MAGED1: variants seen among roughly 807,000 people sequenced by gnomAD.
The protein encoded by MAGED1 is melanoma-associated antigen D1.
Under a neutral mutation model 54.1 loss-of-function variants are expected in MAGED1, and 3 were observed. The ratio of observed to expected loss-of-function variants is 0.06; its 90% CI spans 0.03 to 0.14. The LOEUF (loss-of-function observed/expected upper bound fraction) is 0.14, where lower values mean the gene tolerates loss of function less well. MAGED1 is among the 10% of genes least tolerant of loss of function. The pLI is 1.00. For missense variants in MAGED1, 485 were observed against 623.4 expected (o/e 0.78, Z 2.36); for synonymous variants, 217 against 227.3 (o/e 0.95, Z 0.41).
chrX:51,839,327 G>A (rs374279570), intron 1 of MAGED1, among the ~76,000 whole-genome samples: 2 of 111,219 alleles, frequency 1.8e-5, no homozygotes, highest in Non-Finnish European at 3.8e-5. Context: ...AGAATTCCTT[G>A]TGTCCAGGAA....
chrX:51,894,691 T>C, intron 2 of MAGED1: 1 of 1,169,733 alleles, frequency 8.5e-7, no homozygotes, highest in Non-Finnish European at 1.1e-6. Flanking sequence ...ACCCTCCCTC[T>C]TTCTGCATTC....
At chrX:51,867,222 A>G (rs782002047) in intron 1 of MAGED1, among the ~76,000 whole-genome samples, 2 of 112,191 alleles carry the variant, frequency 1.8e-5, no homozygotes, top group Non-Finnish European at 3.8e-5. Flanking sequence ...CACTTGATGC[A>G]TGATATGTTT....
intron 1 of MAGED1, among the ~76,000 whole-genome samples, chrX:51,818,305 A>G (rs1310676202): frequency 9.0e-6 from 1 of 111,561 alleles, no homozygotes; most frequent in African/African-American, 3.3e-5. Flanking sequence ...CCAGCTGCCT[A>G]TTGTGCCTTC....
At chrX:51,898,478 T>C in intron 9 of MAGED1, 103 bp from the exon 10 acceptor site, 1 of 976,890 alleles carries the variant, frequency 1.0e-6, no homozygotes, top group Admixed American at 2.8e-5. Context: ...GGGGAAACAG[T>C]TCTGAACTCT....
chrX:51,897,105 T>C, intron 4 of MAGED1, 28 bp downstream of exon 4: 1 of 1,201,377 alleles, frequency 8.3e-7, no homozygotes, highest in Middle Eastern at 2.3e-4. Flanking sequence ...CCAGTCACTT[T>C]TCCCCTCTCT....
chrX:51,833,333 C>T (rs1376458795), intron 1 of MAGED1, among the ~76,000 whole-genome samples: 1 of 110,018 alleles, frequency 9.1e-6, no homozygotes, highest in African/African-American at 3.3e-5. Context: ...TCTCCCACCC[C>T]ACACACATAC....
intron 1 of MAGED1, among the ~76,000 whole-genome samples, chrX:51,864,195 T>A (rs1013914458): frequency 2.7e-5 from 3 of 109,349 alleles, no homozygotes; most frequent in Non-Finnish European, 5.7e-5. Context: ...AGAGAGTGTG[T>A]GTGTGTGTGT....
intron 1 of MAGED1, among the ~76,000 whole-genome samples, chrX:51,855,179 T>C (rs1356040247): frequency 8.9e-6 from 1 of 112,074 alleles, no homozygotes; most frequent in African/African-American, 3.2e-5. Context: ...GTAAAAGTTA[T>C]GTTTTTCTGT....
chrX:51,838,354 A>G (rs899307474), intron 1 of MAGED1, among the ~76,000 whole-genome samples: 1 of 112,712 alleles, frequency 8.9e-6, no homozygotes. Flanking sequence ...TTCAATAGCC[A>G]TTTGTGAAGC....
intron 1 of MAGED1, among the ~76,000 whole-genome samples, chrX:51,817,905 G>T (rs782317979): frequency 8.9e-6 from 1 of 112,130 alleles, no homozygotes; most frequent in South Asian, 3.8e-4. Context: ...GTTCATTTGT[G>T]TTCTGGAGAC....
At chrX:51,879,374 A>C (rs1557362293) in intron 1 of MAGED1, among the ~76,000 whole-genome samples, 1 of 111,239 alleles carries the variant, frequency 9.0e-6, no homozygotes, top group Non-Finnish European at 1.9e-5. Context: ...TTCATCTGAG[A>C]ATGTCTTTAT....
At chrX:51,827,250 T>G (rs1925882075) in intron 1 of MAGED1, among the ~76,000 whole-genome samples, 1 of 103,027 alleles carries the variant, frequency 9.7e-6, no homozygotes, top group African/African-American at 3.5e-5. Flanking sequence ...ACAGAGCGAG[T>G]CCCTGTCTCA....
intron 1 of MAGED1, among the ~76,000 whole-genome samples, chrX:51,823,826 A>G (rs966035253): frequency 9.0e-6 from 1 of 111,026 alleles, no homozygotes; most frequent in Non-Finnish European, 1.9e-5. Flanking sequence ...GGAGATTACC[A>G]TTAACATCTC....
At chrX:51,848,897 T>A (rs1286188594) in intron 1 of MAGED1, among the ~76,000 whole-genome samples, 1 of 110,651 alleles carries the variant, frequency 9.0e-6, no homozygotes, top group Non-Finnish European at 1.9e-5. Flanking sequence ...TTATTTCTTT[T>A]TTTTCTCTTT....
At chrX:51,894,585 A>T in intron 2 of MAGED1, 1 of 1,140,360 alleles carries the variant, frequency 8.8e-7, no homozygotes, top group East Asian at 3.1e-5. Context: ...ATCTGCCCAG[A>T]GAATGCGGGG....
intron 1 of MAGED1, among the ~76,000 whole-genome samples, chrX:51,814,146 AAAAG>A (rs1323946394): frequency 2.7e-5 from 3 of 111,385 alleles, no homozygotes; most frequent in African/African-American, 9.8e-5. Context: ...GGGAGTGAAA[AAAAG>A]AGAGAGAAAA....
intron 1 of MAGED1, among the ~76,000 whole-genome samples, chrX:51,852,394 A>G (rs192017145): frequency 8.9e-6 from 1 of 112,363 alleles, no homozygotes; most frequent in East Asian, 2.8e-4. Flanking sequence ...ACATCTTGGG[A>G]GGACCATTAT....
intron 1 of MAGED1, among the ~76,000 whole-genome samples, chrX:51,883,171 CAGTT>C (rs1318476048): frequency 6.3e-5 from 7 of 111,121 alleles, no homozygotes; most frequent in Non-Finnish European, 1.1e-4. Context: ...CTAGTCCCCT[CAGTT>C]AGTAGAGACT....
Position 51,860,439 on chromosome X carries a change from A to C in MAGED1, c.-36-33830A>C. 1.8e-5 allele frequency among the ~76,000 whole-genome samples: 2 copies of C among 111,603 alleles called. 1 individual carries two copies. Among genetic ancestry groups the C allele is most frequent in the Middle Eastern group, 9.2e-3 (2 of 218 alleles). ...TTTGGAACTTGGTCACTGACTAGAT[A>C]TAGGGGGACTGACGGAGAAGAAGGA... On this transcript the variant is annotated intron_variant, in intron 1 of 12. Transcript: ENST00000375772.
Sources: allele counts gnomAD v4.1 joint callset (sites outside exome capture counted in the v4.1 genomes callset), GRCh38; gene constraint gnomAD v4.1.1; transcripts MANE v1.5; gene names NCBI Gene and HGNC (gene_info 2026-07-23, HGNC 2026-07-21).